PARD3B: variants seen among roughly 807,000 people sequenced by gnomAD.
PARD3B encodes the protein par-3 family cell polarity regulator beta.
Under a neutral mutation model 130.2 loss-of-function variants are expected in PARD3B, and 103 were observed. That is an observed-to-expected ratio of 0.79 (90% CI 0.67 to 0.93). PARD3B has a LOEUF of 0.93. Ranked by LOEUF, PARD3B falls within the 40% of genes least tolerant of loss-of-function variation. The probability of loss-of-function intolerance (pLI) is 0.00; values close to 1 mark genes in which losing one functional copy is unlikely to be tolerated. For missense variants in PARD3B, 1,609 were observed against 1,499.2 expected (o/e 1.07, Z -1.21); for synonymous variants, 583 against 553.2 (o/e 1.05, Z -0.76).
rs534268241 is a variant in PARD3B at position 204,806,731 on chromosome 2, C to G, written c.222+120449C>G. Among the ~76,000 whole-genome samples the G allele has an allele frequency of 2.2e-4, 34 of 152,198 alleles. No individual in the cohort carries two copies. In the South Asian group the frequency reaches 4.6e-3, roughly 20 times the overall value. On this transcript the variant is annotated intron_variant, in intron 2 of 22. Coordinates refer to ENST00000406610, the MANE Select transcript of PARD3B (RefSeq NM_001302769.2). ...CCCACAAAATGGTAGAAAATATTTG[C>G]AAACTATTTGTCAGACAGGATTAAG...
chr2:204,999,967 G>T (rs1049077948), intron 3 of PARD3B, among the ~76,000 whole-genome samples: 1 of 151,908 alleles, frequency 6.6e-6, no homozygotes, highest in Non-Finnish European at 1.5e-5. Flanking sequence ...TGATTCTGGG[G>T]GTTTGCAGAA....
In PARD3B at chr2:205,301,935, A is replaced by C. The variant is rs528828805; in HGVS notation, c.2630+234A>C. ...TTGTTGTCAAAGAAAGGTCAACACT[A>C]TGCCAGGCACGGTGGCTCATGCCTG... On this transcript the variant is annotated intron_variant, in intron 18 of 22. Transcript: ENST00000406610. This position sits in a 1 kb window ranked among gnomAD's most constrained non-coding sequence, Gnocchi z 5.2. The C allele has an allele frequency of 6.9e-6, 5 of 725,018 alleles. No individual in the cohort carries two copies. In the Admixed American group the frequency reaches 8.0e-5, roughly 12 times the overall value. The allele number at this position is 725,018 out of a possible 1,614,324, so 44.9% of individuals were successfully genotyped here.
At chr2:205,007,049 G>A (rs1266659260) in intron 3 of PARD3B, among the ~76,000 whole-genome samples, 1 of 152,144 alleles carries the variant, frequency 6.6e-6, no homozygotes, top group African/African-American at 2.4e-5. Flanking sequence ...TGTTGAGGGT[G>A]GGACCTGGTG....
chr2:204,645,460 T>G (rs1420512793), intron 1 of PARD3B, among the ~76,000 whole-genome samples: 1 of 152,116 alleles, frequency 6.6e-6, no homozygotes, highest in Non-Finnish European at 1.5e-5. Context: ...AGAAAAAAAT[T>G]TTGTTTCATG....
At chr2:204,982,771 C>A (rs780989022) in intron 3 of PARD3B, among the ~76,000 whole-genome samples, 8 of 152,158 alleles carry the variant, frequency 5.3e-5, no homozygotes, top group Non-Finnish European at 1.2e-4. Context: ...AAATAGACTG[C>A]ATGTACTCAC....
Position 205,229,721 on chromosome 2 carries a change from C to T in PARD3B, c.2141-16057C>T, listed in dbSNP as rs555121826. On this transcript the variant is annotated intron_variant, in intron 15 of 22. Coordinates refer to ENST00000406610, the MANE Select transcript of PARD3B (RefSeq NM_001302769.2). The surrounding 1 kb of genome is among the most constrained non-coding windows in gnomAD (Gnocchi z 5.2). ...CTCCGCAATAAGCAGGTGGTAAAGC[C>T]ACCCAGGCTTGTGTCCTTCCCTTCA... Among the ~76,000 whole-genome samples, 92 of 152,178 alleles carry T rather than the reference C, an allele frequency of 6.0e-4. No individual in the cohort carries two copies. The highest frequency in any genetic ancestry group is 2.1e-3 in the African/African-American group (87 of 41,530).
intron 1 of PARD3B, among the ~76,000 whole-genome samples, chr2:204,615,668 A>G (rs2034085530): frequency 6.6e-6 from 1 of 152,144 alleles, no homozygotes; most frequent in Non-Finnish European, 1.5e-5. Context: ...TTTACTTTTT[A>G]GACAGCGTCT....
intron 1 of PARD3B, among the ~76,000 whole-genome samples, chr2:204,634,070 C>G (rs2034787385): frequency 6.6e-6 from 1 of 152,006 alleles, no homozygotes; most frequent in Non-Finnish European, 1.5e-5. Flanking sequence ...AAATAGTAGG[C>G]CTTATTCATT....
At chr2:204,770,986 A>T (rs549489604) in intron 2 of PARD3B, among the ~76,000 whole-genome samples, 1 of 152,072 alleles carries the variant, frequency 6.6e-6, no homozygotes, top group East Asian at 1.9e-4. Flanking sequence ...GAAAGGTTCA[A>T]TCAGAGCAGA....
chr2:205,451,945 T>C (rs2048118722), intron 20 of PARD3B, among the ~76,000 whole-genome samples: 1 of 152,194 alleles, frequency 6.6e-6, no homozygotes, highest in Non-Finnish European at 1.5e-5. Flanking sequence ...TTGTACCCAT[T>C]AACCATCCCC....
intron 2 of PARD3B, among the ~76,000 whole-genome samples, chr2:204,744,820 C>T (rs113810635): frequency 6.6e-5 from 10 of 152,196 alleles, no homozygotes; most frequent in African/African-American, 1.4e-4. Context: ...GAATTTCTGA[C>T]GGTGAGACTA....
At chr2:205,170,603 C>T (rs890223319) in intron 11 of PARD3B, among the ~76,000 whole-genome samples, 9 of 152,142 alleles carry the variant, frequency 5.9e-5, no homozygotes, top group African/African-American at 2.2e-4. Context: ...AGGGCATTGG[C>T]TCTGGGGAAC....
intron 5 of PARD3B, among the ~76,000 whole-genome samples, chr2:205,111,591 C>G (rs1347250139): frequency 6.6e-6 from 1 of 151,892 alleles, no homozygotes; most frequent in Non-Finnish European, 1.5e-5. Flanking sequence ...TAGAAAAGAA[C>G]ATGAGAATTC....
In PARD3B at chr2:205,463,830, C is replaced by G. The variant is rs1293970091; in HGVS notation, c.3044+23158C>G. On this transcript the variant is annotated intron_variant, in intron 20 of 22. Transcript: ENST00000406610. This position sits in a 1 kb window ranked among gnomAD's most constrained non-coding sequence, Gnocchi z 4.8. ...AAAGCCAGCCACCCTTCCCCACATA[C>G]CATGCAGCTGTTGCAGTAGCCTTAG... is the stretch of plus-strand genomic sequence containing the variant. Among the ~76,000 whole-genome samples, 2 of 152,184 alleles carry G rather than the reference C, an allele frequency of 1.3e-5. No homozygotes were observed. The highest frequency in any genetic ancestry group is 2.9e-5 in the Non-Finnish European group (2 of 68,038).
chr2:205,391,371 A>T (rs1038824945), intron 18 of PARD3B, among the ~76,000 whole-genome samples: 48 of 152,228 alleles, frequency 3.2e-4, no homozygotes, highest in Non-Finnish European at 4.4e-5. Flanking sequence ...AGTTGTGTCT[A>T]TTTACTCAAC....
intron 3 of PARD3B, among the ~76,000 whole-genome samples, chr2:205,031,254 G>A (rs974216258): frequency 5.3e-5 from 8 of 152,114 alleles, no homozygotes; most frequent in African/African-American, 9.7e-5. Flanking sequence ...CTGTGTGTGC[G>A]TTTTCCAATC....
At chr2:204,904,500 A>G (rs1437961919) in intron 2 of PARD3B, among the ~76,000 whole-genome samples, 2 of 152,120 alleles carry the variant, frequency 1.3e-5, no homozygotes, top group Non-Finnish European at 2.9e-5. Context: ...TCCATCGTCT[A>G]CCCTTCTATT....
At chr2:205,586,708 G>A (rs933248465) in intron 22 of PARD3B, among the ~76,000 whole-genome samples, 2 of 151,980 alleles carry the variant, frequency 1.3e-5, no homozygotes, top group Admixed American at 6.6e-5. Context: ...TACATTCTAA[G>A]TCACAATTTT....
chr2:204,697,416 C>T (rs191217576), intron 2 of PARD3B, among the ~76,000 whole-genome samples: 100 of 152,160 alleles, frequency 6.6e-4, no homozygotes, highest in African/African-American at 1.7e-3. Flanking sequence ...TCTAAGAAAT[C>T]GGGCCAGTGG....
Sources: allele counts gnomAD v4.1 joint callset (sites outside exome capture counted in the v4.1 genomes callset), GRCh38; gene constraint gnomAD v4.1.1; non-coding constraint Gnocchi (gnomAD v3.1); transcripts MANE v1.5; gene names NCBI Gene and HGNC (gene_info 2026-07-23, HGNC 2026-07-21).